The following PCDHA5 variants were observed in gnomAD, a reference collection of about 807,000 sequenced individuals.
PCDHA5 encodes the protein protocadherin alpha 5.
Under a neutral mutation model 61.6 loss-of-function variants are expected in PCDHA5, and 43 were observed. The observed-to-expected ratio is 0.70, with a 90% confidence interval of 0.55 to 0.90. The LOEUF (loss-of-function observed/expected upper bound fraction) is 0.90. Ranked by LOEUF, PCDHA5 falls within the 40% of genes least tolerant of loss-of-function variation. The probability of loss-of-function intolerance (pLI) is 0.00; values close to 1 mark genes in which losing one functional copy is unlikely to be tolerated. For missense variants in PCDHA5, 1,298 were observed against 1,222.7 expected (o/e 1.06, Z -0.92); for synonymous variants, 627 against 543.9 (o/e 1.15, Z -2.13).
At chr5:140,978,462 G>T (rs939639463) in intron 1 of PCDHA5, among the ~76,000 whole-genome samples, 3 of 152,222 alleles carry the variant, frequency 2.0e-5, no homozygotes, top group Admixed American at 1.3e-4. Flanking sequence ...TCCGCCCTGG[G>T]TCAAATATGC....
chr5:140,966,529 G>C (rs1382443921), intron 1 of PCDHA5: 5 of 446,974 alleles, frequency 1.1e-5, no homozygotes, highest in Non-Finnish European at 1.9e-5. Flanking sequence ...GCCGAGCCGG[G>C]TTGAGCGACT....
chr5:140,901,690 T>C (rs566618023), intron 1 of PCDHA5, among the ~76,000 whole-genome samples: 22 of 152,340 alleles, frequency 1.4e-4, no homozygotes, highest in African/African-American at 5.3e-4. Flanking sequence ...ATGGGTATTT[T>C]GTAGTTCTAT....
intron 1 of PCDHA5, among the ~76,000 whole-genome samples, chr5:140,912,045 C>T (rs1276989293): frequency 2.0e-5 from 3 of 152,196 alleles, no homozygotes; most frequent in African/African-American, 4.8e-5. Flanking sequence ...AGTCCCAAAG[C>T]TGAAGAACTT....
intron 1 of PCDHA5, among the ~76,000 whole-genome samples, chr5:140,837,614 C>G (rs188278547): frequency 3.4e-5 from 5 of 147,660 alleles, no homozygotes; most frequent in African/African-American, 1.3e-4. Flanking sequence ...TTATAATTTG[C>G]CCCTTCCTTC....
intron 1 of PCDHA5, chr5:140,829,458 C>T (rs2150168320): frequency 1.2e-6 from 2 of 1,613,890 alleles, no homozygotes; most frequent in Admixed American, 3.3e-5. Flanking sequence ...CCGGCGTTCG[C>T]GCAGCCCGAG....
Position 140,822,806 on chromosome 5 carries a change from A to C in PCDHA5, c.1031A>C (p.Asp344Ala). ...KVVVKLLDVN[D>A]NTPEMAITTL... Reference sequence around the variant, plus strand: ...GTAGTGAAACTCCTGGATGTGAATGATAATACCCCAGAGATGGCCATAACC... The same window carrying C: ...GTAGTGAAACTCCTGGATGTGAATGCTAATACCCCAGAGATGGCCATAACC... The change falls in exon 1 of 4, where the codon GAT (aspartate) becomes GCT (alanine). Residue 344 changes from aspartate (D) to alanine (A), a missense_variant. Transcript: ENST00000529859. 1.2e-6 allele frequency: 2 copies of C among 1,614,176 alleles called. No homozygotes were observed. Among genetic ancestry groups the C allele is most frequent in the Non-Finnish European group, 1.7e-6 (2 of 1,180,006 alleles).
At chr5:140,863,765 G>A (rs1385785601) in intron 1 of PCDHA5, 4 of 242,444 alleles carry the variant, frequency 1.6e-5, no homozygotes, top group African/African-American at 4.5e-5. Flanking sequence ...TTGGGAAGCC[G>A]AGGCGGGCGG....
At chr5:140,925,286 A>G (rs545624226) in intron 1 of PCDHA5, among the ~76,000 whole-genome samples, 9 of 152,288 alleles carry the variant, frequency 5.9e-5, no homozygotes, top group African/African-American at 2.2e-4. Context: ...TTGCCTTTCA[A>G]ATGTTTCATT....
chr5:140,973,653 A>G (rs2096597249), intron 1 of PCDHA5, among the ~76,000 whole-genome samples: 1 of 152,202 alleles, frequency 6.6e-6, no homozygotes, highest in African/African-American at 2.4e-5. Context: ...TGAAGAAGAA[A>G]TCTATTTATT....
chr5:140,886,453 A>G (rs1047264611), intron 1 of PCDHA5, among the ~76,000 whole-genome samples: 1 of 152,140 alleles, frequency 6.6e-6, no homozygotes, highest in Non-Finnish European at 1.5e-5. Flanking sequence ...TAATTTTGTC[A>G]TATATAAATG....
At chr5:140,865,367 A>G (rs1392735028) in intron 1 of PCDHA5, 1 of 152,348 alleles carries the variant, frequency 6.6e-6, no homozygotes, top group Middle Eastern at 3.4e-3. Flanking sequence ...CAGGATAACC[A>G]TGTTATAGGT....
In PCDHA5 at chr5:140,884,156, G is replaced by C. The variant is rs1554181298; in HGVS notation, c.2352+60029G>C. 1 of 1,613,448 alleles carries C rather than the reference G, an allele frequency of 6.2e-7. No homozygotes were observed. Among genetic ancestry groups the C allele is most frequent in the Admixed American group, 1.7e-5 (1 of 60,012 alleles). On this transcript the variant is annotated intron_variant, in intron 1 of 3. Transcript: ENST00000529859. ...GTTCCGCGTGGGGCTGTACACTGGC[G>C]AGATCAGCACGACGCGCCCTCTGGA...
chr5:140,835,696 C>T (rs2150242204), intron 1 of PCDHA5: 2 of 1,613,914 alleles, frequency 1.2e-6, no homozygotes, highest in South Asian at 2.2e-5. Context: ...CTGTGGGCCA[C>T]TGCTAGCGTG....
intron 1 of PCDHA5, among the ~76,000 whole-genome samples, chr5:140,888,841 C>T (rs2062001270): frequency 1.3e-5 from 2 of 151,998 alleles, no homozygotes; most frequent in Admixed American, 1.3e-4. Flanking sequence ...CCACTGCAGC[C>T]TGGTGACAGA....
chr5:140,823,482 G>C lies in PCDHA5; in HGVS notation c.1707G>C (p.Val569=). 1 of 1,613,424 alleles carries C rather than the reference G, an allele frequency of 6.2e-7. No individual in the cohort carries two copies. Among genetic ancestry groups the C allele is most frequent in the Non-Finnish European group, 8.5e-7 (1 of 1,179,706 alleles). The change falls in exon 1 of 4, where the codon GTG becomes GTC. Residue 569 remains valine (V), a synonymous_variant. Coordinates refer to ENST00000529859, the MANE Select transcript of PCDHA5 (RefSeq NM_018908.3). The part of the protein sequence containing the change: ...DNAPALLVPR[V]GGTGGAVSEL... ...CGCCGGCGCTGCTGGTGCCTCGAGT[G>C]GGTGGCACCGGCGGCGCAGTGAGCG...
At chr5:140,882,400 C>T (rs782194379) in intron 1 of PCDHA5, 10 of 1,614,172 alleles carry the variant, frequency 6.2e-6, no homozygotes, top group Admixed American at 3.3e-5. Context: ...ACGGCACCTT[C>T]GTGGGCCGCA....
chr5:141,010,696 C>A lies in PCDHA5; in HGVS notation c.*759C>A. ...AAACAGAAGCAGATCTGATGTGTTT[C>A]CTATACATGTCCTGTGCTCACTTTA... On this transcript the variant is annotated 3_prime_UTR_variant, in exon 4 of 4. Transcript: ENST00000529859. The A allele has an allele frequency of 6.3e-6, 1 of 159,082 alleles. No individual in the cohort carries two copies. The highest frequency in any genetic ancestry group is 1.4e-5 in the Non-Finnish European group (1 of 71,522). 9.9% of individuals were successfully genotyped at this position (159,082 alleles called of 1,614,324 possible).
intron 1 of PCDHA5, chr5:140,858,429 C>G (rs1554151596): frequency 6.5e-7 from 1 of 1,548,730 alleles, no homozygotes; most frequent in African/African-American, 1.4e-5. Flanking sequence ...GGGGACCACT[C>G]TAGGAAGGTG....
chr5:140,877,062 G>T, intron 1 of PCDHA5: 3 of 1,612,992 alleles, frequency 1.9e-6, no homozygotes, highest in Non-Finnish European at 2.5e-6. Flanking sequence ...AGCTGGAGCT[G>T]CTGCAGTTCC....
Sources: gnomAD v4.1 joint callset for allele counts (sites outside exome capture counted in the v4.1 genomes callset) on GRCh38, gnomAD v4.1.1 for gene constraint, MANE v1.5 for transcripts, NCBI Gene and HGNC (gene_info 2026-07-23, HGNC 2026-07-21) for gene names.